Variants in IL3 observed in about 807,000 individuals in gnomAD.
IL3 encodes interleukin 3.
IL3 carries 15 observed loss-of-function variants against 15.4 expected under a neutral mutation model. That is an observed-to-expected ratio of 0.97 (90% CI 0.65 to 1.50). The LOEUF is 1.50. Among genes scored for constraint, IL3 ranks in the 40% most tolerant of loss-of-function variants. The probability of loss-of-function intolerance (pLI) is 0.00; values close to 1 mark genes in which losing one functional copy is unlikely to be tolerated. For missense variants in IL3, 162 were observed against 192.2 expected (o/e 0.84, Z 0.93); for synonymous variants, 74 against 79.3 (o/e 0.93, Z 0.36).
Position 132,062,657 on chromosome 5 carries a change from G to A in IL3, c.337-12G>A. ...GGACTCACCTAATGCCACCTTCTTG[G>A]TTTCTTTATAGCGACATCCAATCCA... On this transcript the variant is annotated splice_polypyrimidine_tract_variant and intron_variant, in intron 4 of 4. Transcript: ENST00000296870. The A allele has an allele frequency of 6.2e-7, 1 of 1,614,164 alleles. No individual in the cohort carries two copies. Among genetic ancestry groups the A allele is most frequent in the Non-Finnish European group, 8.5e-7 (1 of 1,179,996 alleles).
rs1305721098 is a variant in IL3 at position 132,062,772 on chromosome 5, T to A, written c.440T>A (p.Leu147Ter). ...AATGCGCAGGCTCAACAGACGACTT[T>A]GAGCCTCGCGATCTTTTGAGTCCAA... ...LENAQAQQTTLSLAIF is the reference protein window; with the variant it reads ...LENAQAQQTT Residue 147 changes from leucine to a stop codon, truncating the protein, a stop_gained, in exon 5 of 5, where the codon TTG (leucine) becomes TAG (stop). Coordinates refer to ENST00000296870, the MANE Select transcript of IL3 (RefSeq NM_000588.4). LOFTEE classifies it low-confidence loss of function (END_TRUNC). 6.2e-7 allele frequency: 1 copy of A among 1,613,776 alleles called. No homozygotes were observed. The highest frequency in any genetic ancestry group is 1.3e-5 in the African/African-American group (1 of 74,938).
At chr5:132,061,085 C>T (rs1396126790) in intron 2 of IL3, 77 bp downstream of exon 2, 1 of 1,346,912 alleles carries the variant, frequency 7.4e-7, no homozygotes, top group Non-Finnish European at 1.1e-6. Context: ...CTTACCTAGC[C>T]TTGCTTTCTT....
rs1052061381 is a variant in IL3, at chr5:132,063,173, G to C, written c.*382G>C. ...ACCTCGAGTTTTAAACTGGTTCCTA[G>C]GGATGTGTGAGAATAAACTAGACTC... On this transcript the variant is annotated 3_prime_UTR_variant, in exon 5 of 5. Transcript: ENST00000296870. The C allele has an allele frequency of 4.8e-5, 9 of 188,450 alleles. No homozygotes were observed. The highest frequency in any genetic ancestry group is 1.0e-4 in the Non-Finnish European group (9 of 89,810). 11.7% of individuals were successfully genotyped at this position (188,450 alleles called of 1,614,324 possible).
At chr5:132,062,247 C>A (rs558446265) in intron 2 of IL3, 65 bp from the exon 3 acceptor site, 4 of 1,307,426 alleles carry the variant, frequency 3.1e-6, no homozygotes, top group Non-Finnish European at 4.4e-6. Context: ...GGGGTGACTT[C>A]CACCTGCTTG....
rs756465269 is a variant in IL3, at chr5:132,062,807, C to T, written c.*16C>T. ...GATCTTTTGAGTCCAACGTCCAGCT[C>T]GTTCTCTGGGCCTTCTCACCACAGA... On this transcript the variant is annotated 3_prime_UTR_variant, in exon 5 of 5. Coordinates refer to ENST00000296870, the MANE Select transcript of IL3 (RefSeq NM_000588.4). The T allele has an allele frequency of 6.2e-6, 10 of 1,608,772 alleles. No homozygotes were observed. The East Asian group carries it at 8.9e-5, about 14-fold the overall frequency.
In IL3 at chr5:132,062,678, A is replaced by G. The variant is rs1465766841; in HGVS notation, c.346A>G (p.Ile116Val). Reference sequence around the variant, plus strand: ...CTTGGTTTCTTTATAGCGACATCCAATCCATATCAAGGACGGTGACTGGAA... The same window carrying G: ...CTTGGTTTCTTTATAGCGACATCCAGTCCATATCAAGGACGGTGACTGGAA... ...LATAAPTRHP[I>V]HIKDGDWNEF... The change falls in exon 5 of 5, where the codon ATC becomes GTC. Residue 116 changes from isoleucine (I) to valine (V), a missense_variant. By Grantham distance (29) the Ile-to-Val change is conservative. Coordinates refer to ENST00000296870, the MANE Select transcript of IL3 (RefSeq NM_000588.4). 12 of 1,614,180 alleles carry G rather than the reference A, an allele frequency of 7.4e-6. No homozygotes were observed. The South Asian group carries it at 1.2e-4, about 16-fold the overall frequency.
rs567356931 is a variant in IL3, at chr5:132,062,161, A to G, written c.205-151A>G. The G allele has an allele frequency of 4.2e-6, 3 of 707,410 alleles. No homozygotes were observed. In the African/African-American group the frequency reaches 5.3e-5, roughly 12 times the overall value. 43.8% of individuals were successfully genotyped at this position (707,410 alleles called of 1,614,324 possible). A position where few individuals can be genotyped will look rare whatever the true frequency, so the allele number is the denominator to read the frequency against. On this transcript the variant is annotated intron_variant, in intron 2 of 4. Coordinates refer to ENST00000296870, the MANE Select transcript of IL3 (RefSeq NM_000588.4). The stretch of plus-strand genomic sequence containing the variant: ...CACTTCTAGGCCTGTGCCCTTGGGC[A>G]GGGACCCACCTGAGGCAAGAACGGG...
At chr5:132,062,250 CCT>C in intron 2 of IL3, 60 bp from the exon 3 acceptor site, 1 of 1,341,292 alleles carries the variant, frequency 7.5e-7, no homozygotes, top group Non-Finnish European at 1.1e-6. Context: ...GTGACTTCCA[CCT>C]GCTTGTGGGA....
intron 2 of IL3, among the ~76,000 whole-genome samples, chr5:132,061,339 T>A (rs1756474423): frequency 6.6e-6 from 1 of 152,234 alleles, no homozygotes; most frequent in Non-Finnish European, 1.5e-5. Context: ...AGACAGAAAT[T>A]TCCCCCTCAG....
chr5:132,061,510 C>G (rs979491135), intron 2 of IL3, among the ~76,000 whole-genome samples: 14 of 152,204 alleles, frequency 9.2e-5, no homozygotes, highest in African/African-American at 3.4e-4. Context: ...GAAGTGGAAG[C>G]CTTTGCTGAG....
In IL3 at chr5:132,060,958, C is replaced by G. The variant is rs758493216; in HGVS notation, c.163-9C>G. ...CCTCATGGGCCTTTCTCTCCCTTCA[C>G]CCCCACAGGACTTCAACAACCTCAA... is the stretch of plus-strand genomic sequence containing the variant. On this transcript the variant is annotated splice_polypyrimidine_tract_variant and intron_variant, in intron 1 of 4. Transcript: ENST00000296870. 1 of 1,614,078 alleles carries G rather than the reference C, an allele frequency of 6.2e-7. No homozygotes were observed. Among genetic ancestry groups the G allele is most frequent in the African/African-American group, 1.3e-5 (1 of 75,070 alleles).
At chr5:132,062,170 C>T (rs1165960894) in intron 2 of IL3, 142 bp from the exon 3 acceptor site, 1 of 734,736 alleles carries the variant, frequency 1.4e-6, no homozygotes, top group Non-Finnish European at 2.4e-6. Context: ...CAGGGACCCA[C>T]CTGAGGCAAG....
rs772664503 is a variant in IL3 at position 132,060,714 on chromosome 5, G to T, written c.8G>T (p.Arg3Leu). ...CCTCCTGCCGATCCAAACATGAGCC[G>T]CCTGCCCGTCCTGCTCCTGCTCCAA... is the stretch of plus-strand genomic sequence containing the variant. MSRLPVLLLLQLL... is the reference protein window; with the variant it reads MSLLPVLLLLQLL... Residue 3 changes from arginine to leucine, a missense_variant, in exon 1 of 5, where the codon CGC becomes CTC. Physicochemically the swap from Arg to Leu is moderately radical, Grantham distance 102 (BLOSUM62 -2). Transcript: ENST00000296870. 6.8e-6 allele frequency: 11 copies of T among 1,612,898 alleles called. No homozygotes were observed. The South Asian group carries it at 9.9e-5, about 14-fold the overall frequency.
Position 132,060,670 on chromosome 5 carries a change from A to T in IL3, c.-37A>T, listed in dbSNP as rs369426752. Reference sequence around the variant, plus strand: ...CCAACTCTTCAGAGCCCCACGAAGGACCAGAACAAGACAGAGTGCCTCCTG... The same window carrying T: ...CCAACTCTTCAGAGCCCCACGAAGGTCCAGAACAAGACAGAGTGCCTCCTG... On this transcript the variant is annotated 5_prime_UTR_variant, in exon 1 of 5. Transcript: ENST00000296870. 43 of 1,610,462 alleles carry T rather than the reference A, an allele frequency of 2.7e-5. No homozygotes were observed. The African/African-American group carries it at 3.7e-4, about 14-fold the overall frequency.
intron 2 of IL3, among the ~76,000 whole-genome samples, chr5:132,061,644 GT>G (rs1756480491): frequency 6.6e-6 from 1 of 152,108 alleles, no homozygotes; most frequent in Non-Finnish European, 1.5e-5. Context: ...CATGAACACT[GT>G]TATCAGCCTC....
Position 132,060,836 on chromosome 5 carries a change from A to G in IL3, c.130A>G (p.Thr44Ala). ...CTCTAACATGATCGATGAAATTATA[A>G]CACACTTAAAGCAGCCACCTTTGCC... ...NCSNMIDEII[T>A]HLKQPPLPLL... is the part of the protein sequence containing the mutation. Residue 44 changes from threonine (T) to alanine (A), a missense_variant, in exon 1 of 5, where the codon ACA (threonine) becomes GCA (alanine). Coordinates refer to ENST00000296870, the MANE Select transcript of IL3 (RefSeq NM_000588.4). 1 of 1,614,214 alleles carries G rather than the reference A, an allele frequency of 6.2e-7. No homozygotes were observed. Among genetic ancestry groups the G allele is most frequent in the Non-Finnish European group, 8.5e-7 (1 of 1,180,038 alleles).
At position 132,062,740 on chromosome 5, in the gene IL3, C is replaced by A; in HGVS notation, c.408C>A (p.Thr136=). 1 of 1,614,124 alleles carries A rather than the reference C, an allele frequency of 6.2e-7. No homozygotes were observed. The highest frequency in any genetic ancestry group is 8.5e-7 in the Non-Finnish European group (1 of 1,180,010). The part of the protein sequence containing the change: ...FRRKLTFYLK[T]LENAQAQQTT... ...GGAAACTGACGTTCTATCTGAAAAC[C>A]CTTGAGAATGCGCAGGCTCAACAGA... Residue 136 remains threonine (T), a synonymous_variant, in exon 5 of 5, where the codon ACC becomes ACA. Coordinates refer to ENST00000296870, the MANE Select transcript of IL3 (RefSeq NM_000588.4).
chr5:132,062,576 T>TC lies in IL3; in HGVS notation c.336+14dup. 1.9e-6 allele frequency: 3 copies of TC among 1,614,042 alleles called. No homozygotes were observed. Among genetic ancestry groups the TC allele is most frequent in the Non-Finnish European group, 2.5e-6 (3 of 1,179,960 alleles). On this transcript the variant is annotated intron_variant, in intron 4 of 4. Coordinates refer to ENST00000296870, the MANE Select transcript of IL3 (RefSeq NM_000588.4). ...CCACGGCCGCACCCACGGTAAGCTG[T>TC]CCCCCAAGATGCCCGTCATGGCTTG...
At position 132,062,868 on chromosome 5, in the gene IL3, C is replaced by G; in HGVS notation, c.*77C>G. ...ATCAAAAACAGCAGAACTTCTGAAACCTCTGGGTCATCTCTCACACATTCC... is the reference window on the plus strand; with the variant it reads ...ATCAAAAACAGCAGAACTTCTGAAAGCTCTGGGTCATCTCTCACACATTCC... On this transcript the variant is annotated 3_prime_UTR_variant, in exon 5 of 5. Transcript: ENST00000296870. 4 of 1,536,104 alleles carry G rather than the reference C, an allele frequency of 2.6e-6. No individual in the cohort carries two copies. Among genetic ancestry groups the G allele is most frequent in the Non-Finnish European group, 3.5e-6 (4 of 1,142,142 alleles).
Sources: gnomAD v4.1 joint callset for allele counts (sites outside exome capture counted in the v4.1 genomes callset) on GRCh38, gnomAD v4.1.1 for gene constraint, MANE v1.5 for transcripts, NCBI Gene and HGNC (gene_info 2026-07-23, HGNC 2026-07-21) for gene names.